KLHL29: variants seen among roughly 807,000 people sequenced by gnomAD.
KLHL29 encodes the protein kelch like family member 29, also known as kelch-like protein 29.
Under a neutral mutation model 80.4 loss-of-function variants are expected in KLHL29, and 21 were observed. The observed-to-expected ratio is 0.26, with a 90% confidence interval of 0.19 to 0.38. KLHL29 has a LOEUF of 0.38. Ranked by LOEUF, KLHL29 falls within the 10% of genes least tolerant of loss-of-function variation. The pLI is 1.00. For synonymous variants in KLHL29, 511 were observed against 526.8 expected, an observed-to-expected ratio of 0.97 and a Z score of 0.41; for missense variants, 867 against 1,223.9, an observed-to-expected ratio of 0.71 and a Z score of 4.35.
intron 1 of KLHL29, among the ~76,000 whole-genome samples, chr2:23,454,202 C>T (rs535767089): frequency 2.6e-4 from 39 of 152,094 alleles, no homozygotes; most frequent in Non-Finnish European, 4.6e-4. Context: ...TCTCCTTGCC[C>T]GAGGAGAAAG....
At chr2:23,597,969 GA>G (rs1291483501) in intron 3 of KLHL29, among the ~76,000 whole-genome samples, 1 of 152,182 alleles carries the variant, frequency 6.6e-6, no homozygotes, top group African/African-American at 2.4e-5. Context: ...CTGGTGCCAG[GA>G]GTAAGGCCCC....
intron 5 of KLHL29, chr2:23,668,423 AC>A (rs1275942739): frequency 1.3e-5 from 2 of 151,936 alleles, no homozygotes; most frequent in Non-Finnish European, 2.9e-5. Context: ...GACTGCCCCC[AC>A]CCCAGCACCT....
At chr2:23,480,992 A>G (rs1664783108) in intron 2 of KLHL29, among the ~76,000 whole-genome samples, 1 of 152,182 alleles carries the variant, frequency 6.6e-6, no homozygotes, top group African/African-American at 2.4e-5. Context: ...ATAGGATCTC[A>G]TGGACCCACA....
Position 23,703,200 on chromosome 2 carries a change from C to G in KLHL29, c.2120C>G (p.Thr707Ser). Residue 707 changes from threonine (T) to serine (S), a missense_variant, in exon 12 of 14, where the codon ACC becomes AGC. By Grantham distance (58) the Thr-to-Ser change is moderately conservative. Around this residue, in one of 2 missense-constraint regions of KLHL29, gnomAD observed 443 missense variants for 767.0 expected, o/e 0.58. Coordinates refer to ENST00000486442, the MANE Select transcript of KLHL29 (RefSeq NM_052920.2). ...VDHVERYDTI[T>S]NQWEAVAPLP... is the part of the protein sequence containing the mutation. ...CTCTCCTGCAGGTACGACACCATCA[C>G]CAACCAATGGGAGGCGGTGGCCCCT... The G allele has an allele frequency of 6.9e-7, 1 of 1,457,456 alleles. No individual in the cohort carries two copies. Among genetic ancestry groups the G allele is most frequent in the Non-Finnish European group, 9.1e-7 (1 of 1,100,466 alleles). 90.3% of individuals were successfully genotyped at this position (1,457,456 alleles called of 1,614,324 possible).
chr2:23,570,001 T>C (rs955619222), intron 3 of KLHL29, among the ~76,000 whole-genome samples: 6 of 152,202 alleles, frequency 3.9e-5, no homozygotes, highest in African/African-American at 1.2e-4. Flanking sequence ...AACACTCCAT[T>C]TGCTGCCCTA....
In KLHL29 at chr2:23,700,964, C is replaced by A. The variant is rs189096973; in HGVS notation, c.2106-2222C>A. ...ATGCACTTCACATCTCCCCAGCACACTCCTGAGCTTCCATTTCCAGCTTTG... is the reference window on the plus strand; with the variant it reads ...ATGCACTTCACATCTCCCCAGCACAATCCTGAGCTTCCATTTCCAGCTTTG... On this transcript the variant is annotated intron_variant, in intron 11 of 13. Coordinates refer to ENST00000486442, the MANE Select transcript of KLHL29 (RefSeq NM_052920.2). The surrounding 1 kb of genome is among the most constrained non-coding windows in gnomAD (Gnocchi z 4.6). Among the ~76,000 whole-genome samples, 3 of 152,340 alleles carry A rather than the reference C, an allele frequency of 2.0e-5. No individual in the cohort carries two copies. Among genetic ancestry groups the A allele is most frequent in the Admixed American group, 1.3e-4 (2 of 15,308 alleles).
At chr2:23,513,840 T>C (rs1239230382) in intron 2 of KLHL29, among the ~76,000 whole-genome samples, 2 of 152,186 alleles carry the variant, frequency 1.3e-5, no homozygotes, top group Admixed American at 1.3e-4. Flanking sequence ...CACGTCAGCC[T>C]ACAGCCACCC....
intron 3 of KLHL29, among the ~76,000 whole-genome samples, chr2:23,594,428 C>G (rs555680): frequency 0.03 from 4,622 of 152,148 alleles, 209 homozygotes; most frequent in African/African-American, 0.1. Context: ...TGTTCTAATC[C>G]CAGACACTCA....
chr2:23,416,290 C>T (rs1470957695), intron 1 of KLHL29, among the ~76,000 whole-genome samples: 2 of 152,220 alleles, frequency 1.3e-5, no homozygotes, highest in African/African-American at 4.8e-5. Flanking sequence ...GCCCCGCCCT[C>T]TGATGGGACT....
At position 23,691,746 on chromosome 2, in the gene KLHL29, C is replaced by G; in HGVS notation, c.1152C>G (p.Val384=). Residue 384 remains valine (V), a synonymous_variant, in exon 7 of 14, where the codon GTC becomes GTG. Transcript: ENST00000486442. ...ELVLSNLQAD[V]LELLLEFVYT... is the part of the protein sequence containing the mutation. ...TCCTGTCGAACCTGCAGGCAGACGTCCTGGAGTTGCTGCTGGAGTTTGTCT... is the reference window on the plus strand; with the variant it reads ...TCCTGTCGAACCTGCAGGCAGACGTGCTGGAGTTGCTGCTGGAGTTTGTCT... The G allele has an allele frequency of 6.4e-7, 1 of 1,551,798 alleles. No individual in the cohort carries two copies. The highest frequency in any genetic ancestry group is 1.2e-5 in the South Asian group (1 of 84,060).
At chr2:23,396,603 C>A (rs542715501) in intron 1 of KLHL29, among the ~76,000 whole-genome samples, 1 of 152,078 alleles carries the variant, frequency 6.6e-6, no homozygotes, top group Non-Finnish European at 1.5e-5. Context: ...CTTGTCAGGC[C>A]GATCCTTCTA....
At chr2:23,559,622 C>G (rs1667393328) in intron 2 of KLHL29, among the ~76,000 whole-genome samples, 2 of 151,952 alleles carry the variant, frequency 1.3e-5, no homozygotes, top group South Asian at 2.1e-4. Context: ...AGAGGGAATT[C>G]CTGAGGATGG....
At chr2:23,601,507 G>T (rs543231291) in intron 3 of KLHL29, among the ~76,000 whole-genome samples, 4 of 152,310 alleles carry the variant, frequency 2.6e-5, no homozygotes, top group Non-Finnish European at 5.9e-5. Context: ...GGAAAGCATG[G>T]CAGGTCTGAG....
chr2:23,567,829 A>G (rs1208987725), intron 3 of KLHL29, among the ~76,000 whole-genome samples: 1 of 152,252 alleles, frequency 6.6e-6, no homozygotes, highest in Non-Finnish European at 1.5e-5. Context: ...CCAGACTGCA[A>G]GTGATTTTAT....
At chr2:23,392,808 T>C (rs1412310282) in intron 1 of KLHL29, among the ~76,000 whole-genome samples, 1 of 152,244 alleles carries the variant, frequency 6.6e-6, no homozygotes, top group Admixed American at 6.5e-5. Flanking sequence ...CACCACTTCA[T>C]ACTGCCTGTA....
At chr2:23,441,482 G>GAAC (rs1553324078) in intron 1 of KLHL29, among the ~76,000 whole-genome samples, 1 of 123,620 alleles carries the variant, frequency 8.1e-6, no homozygotes, top group African/African-American at 3.0e-5. Context: ...AGTATAATAA[G>GAAC]AATAATAATA....
At chr2:23,572,934 C>T (rs1028896632) in intron 3 of KLHL29, among the ~76,000 whole-genome samples, 3 of 152,148 alleles carry the variant, frequency 2.0e-5, no homozygotes, top group Non-Finnish European at 4.4e-5. Context: ...GTGATCCGCC[C>T]GCCTCGGCCT....
rs144551451 is a variant in KLHL29, at chr2:23,636,717, T to C, written c.286-2422T>C. Among the ~76,000 whole-genome samples the C allele has an allele frequency of 1.6e-3, 240 of 152,096 alleles. 3 individuals are homozygous for C. Among genetic ancestry groups the C allele is most frequent in the African/African-American group, 5.7e-3 (238 of 41,510 alleles). ...CAGCAGAAGAAACAAACTAAATGAG[T>C]GAGCGGTAGGAGTGCTTTGAAGCCA... On this transcript the variant is annotated intron_variant, in intron 3 of 13. Transcript: ENST00000486442.
At chr2:23,563,296 C>G (rs1010483589) in intron 3 of KLHL29, among the ~76,000 whole-genome samples, 8 of 152,240 alleles carry the variant, frequency 5.3e-5, no homozygotes, top group Admixed American at 4.6e-4. Context: ...CTCGGAGCCC[C>G]TCAGGCAGCC....
Sources: allele counts gnomAD v4.1 joint callset (sites outside exome capture counted in the v4.1 genomes callset), GRCh38; gene constraint gnomAD v4.1.1; regional missense constraint gnomAD v4.1.1; non-coding constraint Gnocchi (gnomAD v3.1); transcripts MANE v1.5; gene names NCBI Gene and HGNC (gene_info 2026-07-23, HGNC 2026-07-21).